USP38: variants seen among roughly 807,000 people sequenced by gnomAD.
USP38 encodes the protein ubiquitin carboxyl-terminal hydrolase 38.
USP38 carries 49 observed loss-of-function variants against 94.3 expected under a neutral mutation model. The ratio of observed to expected loss-of-function variants is 0.52; its 90% CI spans 0.41 to 0.66. USP38 has a LOEUF of 0.66. Ranked by LOEUF, USP38 falls within the 30% of genes least tolerant of loss-of-function variation. The pLI is 0.00. For synonymous variants in USP38, 468 were observed against 463.6 expected (o/e 1.01, Z -0.12); for missense variants, 1,128 against 1,229.4 (o/e 0.92, Z 1.23).
In USP38 at chr4:143,203,411, G is replaced by T. The variant is rs1281288810; in HGVS notation, c.1054G>T (p.Val352Phe). 1 of 1,609,212 alleles carries T rather than the reference G, an allele frequency of 6.2e-7. No homozygotes were observed. Among genetic ancestry groups the T allele is most frequent in the Non-Finnish European group, 8.5e-7 (1 of 1,177,702 alleles). ...GTTTATCCTTTTTTCTTTTCAGATT[G>T]TTCCTCATGTGGTTAATTTGGTTCA... ...QHSPEAFHLI[V>F]PHVVNLVHSF... Residue 352 changes from valine to phenylalanine, a missense_variant, in exon 5 of 10, where the codon GTT (valine) becomes TTT (phenylalanine). Physicochemically the swap from Val to Phe is conservative, Grantham distance 50 (BLOSUM62 -1). Transcript: ENST00000307017.
At chr4:143,193,825 C>T (rs1377984058) in intron 2 of USP38, among the ~76,000 whole-genome samples, 1 of 152,156 alleles carries the variant, frequency 6.6e-6, no homozygotes, top group East Asian at 1.9e-4. Flanking sequence ...GTGCCTCACA[C>T]CTGTAATCCT....
At chr4:143,193,862 A>G (rs1731469668) in intron 2 of USP38, among the ~76,000 whole-genome samples, 1 of 152,158 alleles carries the variant, frequency 6.6e-6, no homozygotes, top group East Asian at 1.9e-4. Flanking sequence ...GAGGTGGGCA[A>G]ATCACTTGAG....
chr4:143,206,002 T>C (rs934226154), intron 5 of USP38, 31 bp from the exon 6 acceptor site: 1 of 1,434,778 alleles, frequency 7.0e-7, no homozygotes, highest in Non-Finnish European at 9.3e-7. Flanking sequence ...TACTTTACTT[T>C]TAAACTGTTT....
chr4:143,187,599 G>A (rs184067007), intron 1 of USP38, among the ~76,000 whole-genome samples: 32 of 152,260 alleles, frequency 2.1e-4, no homozygotes, highest in African/African-American at 7.5e-4. Context: ...ATATATTTCA[G>A]TATTCTGTCT....
rs1731171525 is a variant in USP38, at chr4:143,185,156, G to C, written c.-295G>C. The stretch of plus-strand genomic sequence containing the variant: ...TGGGGGGCCCGACAGGCCCCTCGGC[G>C]CTGATGCTGAGTGGGATCGAGGGCC... On this transcript the variant is annotated 5_prime_UTR_variant, in exon 1 of 10. Transcript: ENST00000307017. 1 of 272,550 alleles carries C rather than the reference G, an allele frequency of 3.7e-6. No homozygotes were observed. The highest frequency in any genetic ancestry group is 8.5e-5 in the South Asian group (1 of 11,714). The allele number at this position is 272,550 out of a possible 1,614,324, so 16.9% of individuals were successfully genotyped here.
intron 7 of USP38, 52 bp downstream of exon 7, chr4:143,209,709 C>T: frequency 8.6e-7 from 1 of 1,167,778 alleles, no homozygotes; most frequent in Admixed American, 2.1e-5. Flanking sequence ...TGGTAATATT[C>T]ATTAAACTTT....
chr4:143,202,503 G>A (rs1006877010), intron 4 of USP38, among the ~76,000 whole-genome samples: 2 of 151,922 alleles, frequency 1.3e-5, no homozygotes, highest in Non-Finnish European at 2.9e-5. Context: ...ACCATAAGAA[G>A]TGTAAATATG....
intron 4 of USP38, among the ~76,000 whole-genome samples, chr4:143,198,439 T>G (rs1305827858): frequency 7.9e-5 from 12 of 152,292 alleles, no homozygotes. Flanking sequence ...AATGACAAAT[T>G]GTAATTTTGG....
At chr4:143,192,510 G>C (rs996032188) in intron 2 of USP38, among the ~76,000 whole-genome samples, 1 of 146,718 alleles carries the variant, frequency 6.8e-6, no homozygotes, top group African/African-American at 2.5e-5. Context: ...TTGTGGTAGA[G>C]ATCTAACTTT....
chr4:143,186,038 A>G lies in USP38; in HGVS notation c.588A>G (p.Thr196=), dbSNP rs1235979740. 4 of 1,614,144 alleles carry G rather than the reference A, an allele frequency of 2.5e-6. No individual in the cohort carries two copies. Among genetic ancestry groups the G allele is most frequent in the Admixed American group, 3.3e-5 (2 of 60,016 alleles). ...RELREYVSQV[T]KVSNLLQNIW... ...TGCGGGAATATGTCTCCCAGGTGAC[A>G]AAAGTGAGTAACTTGCTGCAGAACA... Residue 196 remains threonine, a synonymous_variant, in exon 1 of 10, where the codon ACA becomes ACG. Transcript: ENST00000307017.
intron 7 of USP38, among the ~76,000 whole-genome samples, chr4:143,212,039 T>A (rs1197371939): frequency 1.3e-5 from 2 of 152,204 alleles, no homozygotes; most frequent in Non-Finnish European, 2.9e-5. Context: ...GGTTCTACTT[T>A]AATGCCTTGT....
At chr4:143,196,066 G>T (rs1478749755) in intron 3 of USP38, among the ~76,000 whole-genome samples, 1 of 152,148 alleles carries the variant, frequency 6.6e-6, no homozygotes, top group East Asian at 1.9e-4. Flanking sequence ...AGCACTTTGG[G>T]AGGCTGAGGC....
At chr4:143,187,302 T>A (rs1055062313) in intron 1 of USP38, among the ~76,000 whole-genome samples, 2 of 152,128 alleles carry the variant, frequency 1.3e-5, no homozygotes, top group African/African-American at 4.8e-5. Flanking sequence ...GATGAATAGT[T>A]TTAAGTTATT....
At chr4:143,187,731 T>C in intron 1 of USP38, 95 bp from the exon 2 acceptor site, 3 of 1,352,108 alleles carry the variant, frequency 2.2e-6, no homozygotes, top group South Asian at 1.5e-5. Context: ...TTAACACCTT[T>C]GCTGCAATGA....
rs751628017 is a variant in USP38 at position 143,197,908 on chromosome 4, C to T, written c.1034C>T (p.Pro345Leu). Residue 345 changes from proline (P) to leucine (L), a missense_variant, in exon 4 of 10, where the codon CCA (proline) becomes CTA (leucine). Transcript: ENST00000307017. ...ATGCTGCTTAGCTTTCAGCATTCTC[C>T]AGAGGCGTTCCATTTGGTAAGTTAT... ...SHMLLSFQHSPEAFHLIVPHV... is the reference protein window; with the variant it reads ...SHMLLSFQHSLEAFHLIVPHV... 5.0e-6 allele frequency: 8 copies of T among 1,611,940 alleles called. No individual in the cohort carries two copies. The highest frequency in any genetic ancestry group is 6.8e-6 in the Non-Finnish European group (8 of 1,178,884).
chr4:143,193,132 T>G (rs1731445573), intron 2 of USP38, among the ~76,000 whole-genome samples: 1 of 152,190 alleles, frequency 6.6e-6, no homozygotes, highest in Non-Finnish European at 1.5e-5. Flanking sequence ...GCCTTTAGAT[T>G]ACATCTTTTT....
rs1469638186 is a variant in USP38 at position 143,212,370 on chromosome 4, T to G, written c.1550T>G (p.Phe517Cys). ...IFFEASRPPW[F>C]TPRSQQDCSE... ...TTTGAGGCTTCCAGACCTCCATGGTTTACTCCCAGATCACAGCAAGACTGT... is the reference window on the plus strand; with the variant it reads ...TTTGAGGCTTCCAGACCTCCATGGTGTACTCCCAGATCACAGCAAGACTGT... Residue 517 changes from phenylalanine (F) to cysteine (C), a missense_variant, in exon 8 of 10, where the codon TTT (phenylalanine) becomes TGT (cysteine). Transcript: ENST00000307017. The G allele has an allele frequency of 6.2e-7, 1 of 1,612,502 alleles. No individual in the cohort carries two copies. The highest frequency in any genetic ancestry group is 8.5e-7 in the Non-Finnish European group (1 of 1,179,110).
intron 3 of USP38, among the ~76,000 whole-genome samples, chr4:143,197,140 T>G (rs1731576018): frequency 6.6e-6 from 1 of 152,216 alleles, no homozygotes; most frequent in African/African-American, 2.4e-5. Context: ...TGCCCTTTTT[T>G]CTTCATCTGT....
In USP38 at chr4:143,187,829, C is replaced by T; in HGVS notation, c.686C>T (p.Ala229Val). 6.2e-7 allele frequency: 1 copy of T among 1,606,154 alleles called. No individual in the cohort carries two copies. The highest frequency in any genetic ancestry group is 8.5e-7 in the Non-Finnish European group (1 of 1,177,168). Reference protein sequence around the residue: ...EVFASISSTDASFEPSVALAS... With the variant: ...EVFASISSTDVSFEPSVALAS... ...TTCTTTTTAATTGAAAAAACAGATG[C>T]ATCATTTGAACCTTCTGTAGCATTG... Residue 229 changes from alanine to valine, a missense_variant, in exon 2 of 10, where the codon GCA (alanine) becomes GTA (valine). Coordinates refer to ENST00000307017, the MANE Select transcript of USP38 (RefSeq NM_032557.6).
Sources: allele counts gnomAD v4.1 joint callset (sites outside exome capture counted in the v4.1 genomes callset), GRCh38; gene constraint gnomAD v4.1.1; transcripts MANE v1.5; gene names NCBI Gene and HGNC (gene_info 2026-07-23, HGNC 2026-07-21).